The following AGBL4 variants were observed in gnomAD, a reference collection of about 807,000 sequenced individuals.
AGBL4 encodes the protein AGBL carboxypeptidase 4.
In AGBL4, 58 loss-of-function variants were observed where a neutral mutation model predicts 66.4. The ratio of observed to expected loss-of-function variants is 0.87; its 90% confidence interval spans 0.71 to 1.09. AGBL4 has a LOEUF of 1.09. Ranked by LOEUF, AGBL4 falls within the 50% of genes least tolerant of loss-of-function variation. AGBL4 has a pLI of 0.00. For missense variants in AGBL4, 579 were observed against 631.0 expected, an observed-to-expected ratio of 0.92 and a Z score of 0.88; for synonymous variants, 234 against 222.9, an observed-to-expected ratio of 1.05 and a Z score of -0.44.
chr1:48,692,931 A>T (rs1310950436), intron 6 of AGBL4, among the ~76,000 whole-genome samples: 2 of 152,186 alleles, frequency 1.3e-5, no homozygotes, highest in African/African-American at 4.8e-5. Context: ...GTAGTTTCTT[A>T]CCTGGATTAC....
chr1:49,480,974 G>C (rs1299442702), intron 3 of AGBL4, among the ~76,000 whole-genome samples: 7 of 151,952 alleles, frequency 4.6e-5, no homozygotes, highest in African/African-American at 1.7e-4. Flanking sequence ...TCTAGGTTCT[G>C]TGTTGTGTTC....
At chr1:49,674,220 T>A (rs1002027910) in intron 3 of AGBL4, among the ~76,000 whole-genome samples, 2 of 152,086 alleles carry the variant, frequency 1.3e-5, no homozygotes, top group African/African-American at 2.4e-5. Context: ...TGGAAGGTCC[T>A]GAGATGTCTT....
intron 5 of AGBL4, among the ~76,000 whole-genome samples, chr1:48,979,957 A>C (rs1394204601): frequency 1.3e-5 from 2 of 152,160 alleles, no homozygotes; most frequent in Admixed American, 6.6e-5. Flanking sequence ...TAGAGTTTTA[A>C]ACAGTTCATT....
chr1:49,131,469 G>A (rs1645894687), intron 4 of AGBL4, among the ~76,000 whole-genome samples: 1 of 152,070 alleles, frequency 6.6e-6, no homozygotes, highest in Non-Finnish European at 1.5e-5. Flanking sequence ...GGGAATCAAA[G>A]GAGAAGTAAC....
At chr1:49,236,610 C>T (rs879652749) in intron 4 of AGBL4, among the ~76,000 whole-genome samples, 6 of 152,142 alleles carry the variant, frequency 3.9e-5, no homozygotes, top group Non-Finnish European at 8.8e-5. Context: ...GTGAGCTCTT[C>T]ACCATGGTTC....
chr1:49,286,111 C>G (rs577480753), intron 3 of AGBL4, among the ~76,000 whole-genome samples: 165 of 152,266 alleles, frequency 1.1e-3, no homozygotes, highest in African/African-American at 3.6e-3. Flanking sequence ...AGACAAAAAC[C>G]ACATGATTAT....
At chr1:48,836,422 C>T (rs1646672859) in intron 6 of AGBL4, among the ~76,000 whole-genome samples, 2 of 151,694 alleles carry the variant, frequency 1.3e-5, no homozygotes, top group African/African-American at 2.4e-5. Context: ...CTTCTTTATA[C>T]TCCAAATGCC....
intron 6 of AGBL4, among the ~76,000 whole-genome samples, chr1:48,846,409 G>T (rs193175657): frequency 4.3e-4 from 62 of 145,606 alleles, no homozygotes; most frequent in African/African-American, 1.4e-3. Context: ...AAGAAAGAAA[G>T]AAAGAAAGAA....
At chr1:49,469,210 G>T (rs1249946856) in intron 3 of AGBL4, among the ~76,000 whole-genome samples, 1 of 151,586 alleles carries the variant, frequency 6.6e-6, no homozygotes, top group Non-Finnish European at 1.5e-5. Context: ...CTATTTTATT[G>T]TTAAGATATC....
intron 4 of AGBL4, among the ~76,000 whole-genome samples, chr1:49,199,002 A>T (rs117835319): frequency 6.6e-6 from 1 of 152,310 alleles, no homozygotes; most frequent in East Asian, 1.9e-4. Flanking sequence ...CACTGTCAAC[A>T]TCATGAACAT....
At chr1:49,199,503 C>G (rs1025445273) in intron 4 of AGBL4, among the ~76,000 whole-genome samples, 3 of 152,076 alleles carry the variant, frequency 2.0e-5, no homozygotes, top group Admixed American at 6.6e-5. Context: ...CTGTATGTGC[C>G]TTTCTAGTGG....
At chr1:49,107,623 GATTA>G (rs1459407682) in intron 4 of AGBL4, among the ~76,000 whole-genome samples, 1 of 149,628 alleles carries the variant, frequency 6.7e-6, no homozygotes, top group South Asian at 2.2e-4. Context: ...TCATATAGTG[GATTA>G]ATTGTCTGTG....
chr1:49,357,204 C>G (rs1644038085), intron 3 of AGBL4, among the ~76,000 whole-genome samples: 1 of 152,226 alleles, frequency 6.6e-6, no homozygotes, highest in Admixed American at 6.5e-5. Flanking sequence ...CCTCCTGCTT[C>G]TCTGTGTCCT....
At chr1:48,642,925 G>A (rs1395823822) in intron 8 of AGBL4, among the ~76,000 whole-genome samples, 4 of 152,108 alleles carry the variant, frequency 2.6e-5, no homozygotes, top group East Asian at 1.9e-4. Flanking sequence ...GGAGCCACAC[G>A]GCCTGGATAA....
Position 48,534,918 on chromosome 1 carries a change from TA to T in AGBL4, c.1365-3del. The T allele has an allele frequency of 6.4e-7, 1 of 1,551,314 alleles. No homozygotes were observed. The highest frequency in any genetic ancestry group is 8.7e-7 in the Non-Finnish European group (1 of 1,146,700). ...CTCTGGACTTCTATTTCTTTATTTC[TA>T]AAATAGGAGAAAAATTCATGTCCTT... On this transcript the variant is annotated splice_region_variant and splice_polypyrimidine_tract_variant and intron_variant, in intron 12 of 13. Transcript: ENST00000371839.
intron 2 of AGBL4, among the ~76,000 whole-genome samples, chr1:49,702,485 G>C (rs558672874): frequency 6.6e-6 from 1 of 151,712 alleles, no homozygotes; most frequent in Non-Finnish European, 1.5e-5. Context: ...GCGAGGCTCC[G>C]TCCCAAAAAA....
In AGBL4 at chr1:49,640,807, C is replaced by A. The variant is rs375903319; in HGVS notation, c.282+56506G>T. On this transcript the variant is annotated intron_variant, in intron 3 of 13. Transcript: ENST00000371839. Reference sequence around the variant, plus strand: ...TGAAAGGAAGATGTGTAATCTGGTGCATAATCTTTGTGTATAATCTAGTGC... The same window carrying A: ...TGAAAGGAAGATGTGTAATCTGGTGAATAATCTTTGTGTATAATCTAGTGC... Among the ~76,000 whole-genome samples the A allele has an allele frequency of 3.3e-4, 50 of 152,228 alleles. 1 individual carries two copies. In the South Asian group the frequency reaches 9.5e-3, roughly 29 times the overall value.
intron 1 of AGBL4, among the ~76,000 whole-genome samples, chr1:49,948,149 T>A (rs1312480629): frequency 3.9e-5 from 4 of 102,876 alleles, no homozygotes; most frequent in Non-Finnish European, 6.9e-5. Flanking sequence ...TAAATATATA[T>A]AAATATACGT....
At chr1:48,529,478 A>G (rs1469984402), downstream of AGBL4, among the ~76,000 whole-genome samples, 1 of 152,144 alleles carries the variant, frequency 6.6e-6, no homozygotes, top group Non-Finnish European at 1.5e-5. Context: ...AAGAGATTAC[A>G]TTATTTGCCC....
Sources: gnomAD v4.1 joint callset for allele counts (sites outside exome capture counted in the v4.1 genomes callset) on GRCh38, gnomAD v4.1.1 for gene constraint, MANE v1.5 for transcripts, NCBI Gene and HGNC (gene_info 2026-07-23, HGNC 2026-07-21) for gene names.